The following KIF16B variants were observed in gnomAD, a reference collection of about 807,000 sequenced individuals.
KIF16B encodes kinesin family member 16B.
Under a neutral mutation model 156.3 loss-of-function variants are expected in KIF16B, and 98 were observed. The ratio of observed to expected loss-of-function variants is 0.63; its 90% CI spans 0.53 to 0.74. The LOEUF (loss-of-function observed/expected upper bound fraction) is 0.74. Ranked by LOEUF, KIF16B falls within the 30% of genes least tolerant of loss-of-function variation. The pLI, the probability that KIF16B is intolerant of heterozygous loss-of-function variation, is 0.00. For synonymous variants in KIF16B, 564 were observed against 583.7 expected (o/e 0.97, Z 0.49); for missense variants, 1,421 against 1,606.5 (o/e 0.88, Z 1.97).
At chr20:16,458,683 G>A (rs1438946308) in intron 12 of KIF16B, among the ~76,000 whole-genome samples, 1 of 152,064 alleles carries the variant, frequency 6.6e-6, no homozygotes, top group Non-Finnish European at 1.5e-5. Flanking sequence ...AAAGGAGGGA[G>A]AGAGTGGGAA....
chr20:16,374,665 T>C (rs1422354757), intron 19 of KIF16B, among the ~76,000 whole-genome samples: 8 of 152,166 alleles, frequency 5.3e-5, no homozygotes, highest in Non-Finnish European at 2.9e-5. Context: ...AGCAAAGATC[T>C]CTCCACTGTG....
chr20:16,413,892 A>G (rs1045130917), intron 15 of KIF16B, among the ~76,000 whole-genome samples: 5 of 152,052 alleles, frequency 3.3e-5, no homozygotes, highest in Non-Finnish European at 7.4e-5. Context: ...GGCTGAACTG[A>G]GGTAGGGCAG....
At chr20:16,533,991 T>C (rs922681598) in intron 1 of KIF16B, among the ~76,000 whole-genome samples, 1 of 152,084 alleles carries the variant, frequency 6.6e-6, no homozygotes, top group Non-Finnish European at 1.5e-5. Context: ...CTGGGCACAA[T>C]GGCTCCCGCC....
chr20:16,484,977 C>T (rs2068076645), intron 12 of KIF16B, among the ~76,000 whole-genome samples: 1 of 152,146 alleles, frequency 6.6e-6, no homozygotes, highest in Non-Finnish European at 1.5e-5. Flanking sequence ...TGTACTCATT[C>T]CTTTGGGTAT....
chr20:16,471,136 C>A (rs2067651659), intron 12 of KIF16B, among the ~76,000 whole-genome samples: 1 of 152,174 alleles, frequency 6.6e-6, no homozygotes, highest in Admixed American at 6.5e-5. Flanking sequence ...GCCTCTCAAA[C>A]TCCACTATGA....
chr20:16,328,609 T>A (rs1307578400), intron 24 of KIF16B, among the ~76,000 whole-genome samples: 3 of 152,170 alleles, frequency 2.0e-5, no homozygotes, highest in African/African-American at 7.2e-5. Flanking sequence ...CACAGTGAGA[T>A]TTACGTCCTT....
In KIF16B at chr20:16,505,928, AC is replaced by A. The variant is rs542778453; in HGVS notation, c.869-76del. 3.0e-4 allele frequency: 476 copies of A among 1,605,028 alleles called. 11 individuals carry two copies. In the South Asian group the frequency reaches 5.0e-3, roughly 17 times the overall value. On this transcript the variant is annotated intron_variant, in intron 8 of 25. Coordinates refer to ENST00000354981, the MANE Select transcript of KIF16B (RefSeq NM_024704.5). ...TTTTCCTCTACTTTTGCTTCATAAA[AC>A]CTTGAAGAAATTACCTCAGTTTGCA... is the stretch of plus-strand genomic sequence containing the variant.
intron 2 of KIF16B, among the ~76,000 whole-genome samples, chr20:16,527,497 C>A (rs1448357239): frequency 6.6e-6 from 1 of 152,190 alleles, no homozygotes; most frequent in Non-Finnish European, 1.5e-5. Flanking sequence ...GAAACCCAGA[C>A]CTAAAAGTTA....
At chr20:16,555,722 G>A (rs2070822567) in intron 1 of KIF16B, among the ~76,000 whole-genome samples, 1 of 152,102 alleles carries the variant, frequency 6.6e-6, no homozygotes, top group Admixed American at 6.5e-5. Context: ...CCTCTCAAAA[G>A]TCAGAGAAGG....
chr20:16,523,481 T>C (rs1033373013), intron 3 of KIF16B, among the ~76,000 whole-genome samples: 4 of 152,246 alleles, frequency 2.6e-5, no homozygotes, highest in South Asian at 2.1e-4. Context: ...TTACAAGGGA[T>C]GTGAAGGACC....
chr20:16,312,524 G>T (rs953675960), intron 24 of KIF16B, 106 bp from the exon 25 acceptor site: 4 of 876,416 alleles, frequency 4.6e-6, no homozygotes, highest in Admixed American at 2.2e-5. Flanking sequence ...AAAAGAAAGA[G>T]GCTGAAAGTT....
intron 17 of KIF16B, chr20:16,382,146 AG>A: frequency 9.2e-7 from 1 of 1,086,980 alleles, no homozygotes; most frequent in Non-Finnish European, 1.2e-6. Flanking sequence ...AGGGAGGTGG[AG>A]AGAGAGAGAG....
intron 25 of KIF16B, among the ~76,000 whole-genome samples, chr20:16,280,756 A>G: frequency 6.6e-6 from 1 of 152,150 alleles, no homozygotes; most frequent in East Asian, 1.9e-4. Context: ...GAAATGTAAC[A>G]TGGCCTTTCT....
intron 15 of KIF16B, among the ~76,000 whole-genome samples, chr20:16,410,031 AGGTACATATATATATGTT>A (rs1568948258): frequency 0.027 from 2,356 of 85,742 alleles, 220 homozygotes; most frequent in East Asian, 0.057. Flanking sequence ...ATATATATGT[AGGTACATATATATATGTT>A]GGTACATATA....
At chr20:16,395,475 G>C (rs1280389882) in intron 17 of KIF16B, among the ~76,000 whole-genome samples, 1 of 152,122 alleles carries the variant, frequency 6.6e-6, no homozygotes, top group African/African-American at 2.4e-5. Flanking sequence ...GTCATCTGGG[G>C]AGAAGCCCTC....
At chr20:16,400,507 G>A (rs971483920) in intron 17 of KIF16B, among the ~76,000 whole-genome samples, 3 of 151,994 alleles carry the variant, frequency 2.0e-5, no homozygotes, top group Admixed American at 2.0e-4. Flanking sequence ...TCTACTTCTG[G>A]GTACATACTC....
chr20:16,533,148 G>A (rs1342803111), intron 1 of KIF16B, among the ~76,000 whole-genome samples: 1 of 152,188 alleles, frequency 6.6e-6, no homozygotes, highest in Non-Finnish European at 1.5e-5. Context: ...GAAATCCTAT[G>A]TACTGGGATG....
chr20:16,278,546 T>G (rs1322972818), intron 25 of KIF16B, among the ~76,000 whole-genome samples: 1 of 152,210 alleles, frequency 6.6e-6, no homozygotes, highest in Non-Finnish European at 1.5e-5. Flanking sequence ...CTATAGGTTT[T>G]GGGCATATTT....
At chr20:16,514,898 A>G (rs1014911822) in intron 4 of KIF16B, among the ~76,000 whole-genome samples, 4 of 142,946 alleles carry the variant, frequency 2.8e-5, no homozygotes, top group African/African-American at 9.9e-5. Flanking sequence ...AAAAAAAAAA[A>G]AAAAAAAAAA....
Sources: gnomAD v4.1 joint callset for allele counts (sites outside exome capture counted in the v4.1 genomes callset) on GRCh38, gnomAD v4.1.1 for gene constraint, MANE v1.5 for transcripts, NCBI Gene and HGNC (gene_info 2026-07-23, HGNC 2026-07-21) for gene names.